CLNK: variants seen among roughly 807,000 people sequenced by gnomAD.
CLNK encodes the protein cytokine dependent hematopoietic cell linker.
Under a neutral mutation model 68.6 loss-of-function variants are expected in CLNK, and 74 were observed. The ratio of observed to expected loss-of-function variants is 1.08; its 90% confidence interval spans 0.89 to 1.31. The LOEUF (loss-of-function observed/expected upper bound fraction) is 1.31. Among genes scored for constraint, CLNK ranks in the 50% most tolerant of loss-of-function variants. CLNK has a pLI of 0.00. For synonymous variants in CLNK, 198 were observed against 172.2 expected (o/e 1.15, Z -1.17); for missense variants, 553 against 515.3 (o/e 1.07, Z -0.71).
At position 10,513,561 on chromosome 4, in the gene CLNK, C is replaced by T. The variant is rs1247432124; in HGVS notation, c.809G>A (p.Arg270Lys). The change falls in exon 16 of 19, where the codon AGA becomes AAA. Residue 270 changes from arginine to lysine, a missense_variant. Transcript: ENST00000226951. ...RGGMQPCSPQ[R>K]CQPPASCSPH... Reference sequence around the variant, plus strand: ...GCTGCAGCTGGCTGGAGGCTGGCATCTCTGAGGAGAACAGGGCTGCATGCC... The same window carrying T: ...GCTGCAGCTGGCTGGAGGCTGGCATTTCTGAGGAGAACAGGGCTGCATGCC... 6.2e-7 allele frequency: 1 copy of T among 1,607,562 alleles called. No homozygotes were observed. Among genetic ancestry groups the T allele is most frequent in the African/African-American group, 1.3e-5 (1 of 74,826 alleles).
At chr4:10,558,950 T>C (rs1410848842) in intron 7 of CLNK, among the ~76,000 whole-genome samples, 1 of 152,112 alleles carries the variant, frequency 6.6e-6, no homozygotes, top group Non-Finnish European at 1.5e-5. Flanking sequence ...TCCTGAGGCT[T>C]AGTTTCCTTA....
intron 16 of CLNK, among the ~76,000 whole-genome samples, chr4:10,509,961 G>A (rs1020250909): frequency 5.9e-5 from 9 of 152,210 alleles, no homozygotes; most frequent in Non-Finnish European, 1.3e-4. Context: ...AAGCCTTGGA[G>A]CCCCATCTCC....
chr4:10,572,822 T>G (rs2108828848), intron 4 of CLNK, among the ~76,000 whole-genome samples: 1 of 152,260 alleles, frequency 6.6e-6, no homozygotes, highest in South Asian at 2.1e-4. Flanking sequence ...TTGTTTTGTT[T>G]TGTTTTGTTT....
the CLNK span, among the ~76,000 whole-genome samples, chr4:10,725,783 A>G: frequency 2.0e-5 from 3 of 151,672 alleles, no homozygotes; most frequent in Admixed American, 1.3e-4. Context: ...TGAACCCGGG[A>G]GGCGGACCTT....
chr4:10,610,223 A>ATT (rs1190531448), intron 2 of CLNK, among the ~76,000 whole-genome samples: 2 of 148,458 alleles, frequency 1.3e-5, no homozygotes, highest in African/African-American at 5.0e-5. Context: ...CGCCCGGCTA[A>ATT]TTTTTTGTAT....
At chr4:10,508,964 G>A (rs1268543995) in intron 16 of CLNK, among the ~76,000 whole-genome samples, 1 of 152,048 alleles carries the variant, frequency 6.6e-6, no homozygotes, top group African/African-American at 2.4e-5. Context: ...AAAATTAGCC[G>A]GGTGTAGTGA....
chr4:10,655,728 C>A (rs1433762399), intron 2 of CLNK, among the ~76,000 whole-genome samples: 2 of 144,862 alleles, frequency 1.4e-5, no homozygotes, highest in Non-Finnish European at 3.0e-5. Context: ...CGGCTCACTG[C>A]AAGCTCAGCC....
At chr4:10,606,894 GA>G (rs950149851) in intron 2 of CLNK, among the ~76,000 whole-genome samples, 6 of 151,962 alleles carry the variant, frequency 3.9e-5, no homozygotes, top group Admixed American at 2.0e-4. Flanking sequence ...AGATACAGGA[GA>G]AAAAAAATGT....
At chr4:10,535,203 AAGAAAGAAAG>A (rs1377812075) in intron 11 of CLNK, among the ~76,000 whole-genome samples, 9 of 139,442 alleles carry the variant, frequency 6.5e-5, no homozygotes, top group African/African-American at 1.6e-4. Flanking sequence ...AAAAAAAAGA[AAGAAAGAAAG>A]AGAAAGAAAG....
At chr4:10,642,492 A>C (rs1169957230) in intron 2 of CLNK, among the ~76,000 whole-genome samples, 1 of 152,206 alleles carries the variant, frequency 6.6e-6, no homozygotes, top group Non-Finnish European at 1.5e-5. Context: ...CTTTCTAGGC[A>C]GAGTGGACCA....
At chr4:10,585,404 A>G (rs901017890) in intron 3 of CLNK, among the ~76,000 whole-genome samples, 2 of 152,266 alleles carry the variant, frequency 1.3e-5, no homozygotes, top group African/African-American at 4.8e-5. Flanking sequence ...TTGGCCAATC[A>G]AATGTAGCCA....
chr4:10,673,541 C>T (rs1200847721), intron 1 of CLNK, among the ~76,000 whole-genome samples: 13 of 152,138 alleles, frequency 8.5e-5, no homozygotes, highest in Non-Finnish European at 8.8e-5. Context: ...AGCTGGAAAC[C>T]ATCATTCTCA....
chr4:10,611,456 C>A (rs1185966129), intron 2 of CLNK, among the ~76,000 whole-genome samples: 1 of 148,700 alleles, frequency 6.7e-6, no homozygotes. Context: ...TGAAATCATG[C>A]CACTGCACTC....
At chr4:10,703,377 G>A in the CLNK span, among the ~76,000 whole-genome samples, 10 of 152,184 alleles carry the variant, frequency 6.6e-5, no homozygotes, top group East Asian at 1.9e-3. Flanking sequence ...AGAAACAGAA[G>A]AAAACACATT....
chr4:10,631,308 G>A (rs1022205781), intron 2 of CLNK, among the ~76,000 whole-genome samples: 11 of 152,106 alleles, frequency 7.2e-5, no homozygotes, highest in Admixed American at 4.6e-4. Context: ...TGCCTTCTGC[G>A]GGAAGTCATT....
chr4:10,732,156 T>G, the CLNK span, among the ~76,000 whole-genome samples: 1 of 152,216 alleles, frequency 6.6e-6, no homozygotes, highest in Non-Finnish European at 1.5e-5. Context: ...ATTTATTACC[T>G]TTGCTTTTAA....
chr4:10,689,838 A>G, the CLNK span, among the ~76,000 whole-genome samples: 1 of 140,456 alleles, frequency 7.1e-6, no homozygotes, highest in Non-Finnish European at 1.5e-5. Flanking sequence ...ACCTGTTTAC[A>G]TTGGTGCCTT....
chr4:10,490,620 C>T lies in CLNK; in HGVS notation c.1141-7G>A, dbSNP rs73094225. ...CTTCTACTGAATCAAACTTCTGAAA[C>T]ACAGAAAAGAAAGTTAATGACTTTT... On this transcript the variant is annotated splice_polypyrimidine_tract_variant and splice_region_variant and intron_variant, in intron 18 of 18. Transcript: ENST00000226951. 3.7e-3 allele frequency: 5,827 copies of T among 1,557,500 alleles called. 161 individuals carry two copies. The African/African-American group carries it at 0.067, about 18-fold the overall frequency.
At chr4:10,641,836 T>TC (rs150101129) in intron 2 of CLNK, among the ~76,000 whole-genome samples, 6,387 of 152,182 alleles carry the variant, frequency 0.042, 341 homozygotes, top group African/African-American at 0.12. Context: ...GGGGGTGGTT[T>TC]CCCCCATACT....
Sources: allele counts gnomAD v4.1 joint callset (sites outside exome capture counted in the v4.1 genomes callset), GRCh38; gene constraint gnomAD v4.1.1; transcripts MANE v1.5; gene names NCBI Gene and HGNC (gene_info 2026-07-23, HGNC 2026-07-21).